PPP1CB: variants seen among roughly 807,000 people sequenced by gnomAD.
PPP1CB encodes the protein protein phosphatase 1 catalytic subunit beta.
PPP1CB carries 2 observed loss-of-function variants against 43.7 expected under a neutral mutation model. The observed-to-expected ratio is 0.05, with a 90% CI of 0.02 to 0.14. The LOEUF (loss-of-function observed/expected upper bound fraction) is 0.14. Among genes scored for constraint, PPP1CB ranks in the 10% least tolerant of loss-of-function variants. The pLI is 1.00. For synonymous variants in PPP1CB, 136 were observed against 135.6 expected (o/e 1.00, Z -0.02); for missense variants, 84 against 398.0 (o/e 0.21, Z 6.71).
chr2:28,790,869 G>A (rs1572468242), intron 6 of PPP1CB, among the ~76,000 whole-genome samples: 2 of 152,186 alleles, frequency 1.3e-5, no homozygotes, highest in Middle Eastern at 3.4e-3. Context: ...AATTCAAGTC[G>A]TCTTTATCTA....
At chr2:28,761,119 T>G (rs1666635817) in intron 1 of PPP1CB, among the ~76,000 whole-genome samples, 1 of 152,166 alleles carries the variant, frequency 6.6e-6, no homozygotes, top group Non-Finnish European at 1.5e-5. Context: ...CTCGAACACC[T>G]GACCTTGTGA....
chr2:28,770,397 G>T (rs1336780020), intron 1 of PPP1CB, among the ~76,000 whole-genome samples: 1 of 137,668 alleles, frequency 7.3e-6, no homozygotes, highest in Admixed American at 7.5e-5. Context: ...GGGGGAGGGG[G>T]GTGTGGGGGA....
intron 2 of PPP1CB, chr2:28,777,350 G>C (rs923404310): frequency 6.5e-6 from 1 of 154,118 alleles, no homozygotes; most frequent in East Asian, 1.9e-4. Flanking sequence ...GCAATTTAAA[G>C]CAAGTCTCCA....
Position 28,802,371 on chromosome 2 carries a change from T to C in PPP1CB, c.*3068T>C, listed in dbSNP as rs1410782284. 1 of 152,198 alleles carries C rather than the reference T, an allele frequency of 6.6e-6. No individual in the cohort carries two copies. The highest frequency in any genetic ancestry group is 2.4e-5 in the African/African-American group (1 of 41,444). The allele number at this position is 152,198 out of a possible 1,614,324, so 9.4% of individuals were successfully genotyped here. A position where few individuals can be genotyped will look rare whatever the true frequency, so the allele number is the denominator to read the frequency against. On this transcript the variant is annotated 3_prime_UTR_variant, in exon 8 of 8. Transcript: ENST00000395366. ...AGATTAGGAATATGGTCGGGCTGAA[T>C]TTGCTGTTGCTCCCTAACCAAATCC...
chr2:28,773,179 C>T (rs1278569741), intron 1 of PPP1CB, among the ~76,000 whole-genome samples: 1 of 152,054 alleles, frequency 6.6e-6, no homozygotes, highest in Non-Finnish European at 1.5e-5. Context: ...AGTTAGTATA[C>T]TATATGTATG....
chr2:28,793,170 A>G (rs1007157745), intron 6 of PPP1CB, among the ~76,000 whole-genome samples: 2 of 152,152 alleles, frequency 1.3e-5, no homozygotes, highest in African/African-American at 2.4e-5. Context: ...ATGCCACTGC[A>G]CTCCAGCCTG....
rs1667620193 is a variant in PPP1CB, at chr2:28,801,670, G to A, written c.*2367G>A. On this transcript the variant is annotated 3_prime_UTR_variant, in exon 8 of 8. Coordinates refer to ENST00000395366, the MANE Select transcript of PPP1CB (RefSeq NM_002709.3). ...AGGAGAAAATGATTCTGTAATTCCA[G>A]TGTCACTAATTTATATTGTTCTTTC... 6.6e-6 allele frequency: 1 copy of A among 152,054 alleles called. No homozygotes were observed. The highest frequency in any genetic ancestry group is 1.5e-5 in the Non-Finnish European group (1 of 67,984). 9.4% of individuals were successfully genotyped at this position (152,054 alleles called of 1,614,324 possible).
chr2:28,754,817 T>G (rs971355988), intron 1 of PPP1CB, among the ~76,000 whole-genome samples: 5 of 152,214 alleles, frequency 3.3e-5, no homozygotes, highest in Admixed American at 3.3e-4. Flanking sequence ...TAGTGTCAAA[T>G]GAACGTGTAA....
At chr2:28,787,770 C>G (rs897366860) in intron 5 of PPP1CB, among the ~76,000 whole-genome samples, 3 of 152,150 alleles carry the variant, frequency 2.0e-5, no homozygotes, top group Admixed American at 6.6e-5. Context: ...TGTTCATTCT[C>G]CCTCATCTAC....
Position 28,799,348 on chromosome 2 carries a change from A to T in PPP1CB, c.*45A>T. The T allele has an allele frequency of 3.5e-6, 5 of 1,444,078 alleles. No homozygotes were observed. The highest frequency in any genetic ancestry group is 4.9e-6 in the Non-Finnish European group (5 of 1,027,788). 89.5% of individuals were successfully genotyped at this position (1,444,078 alleles called of 1,614,324 possible). On this transcript the variant is annotated 3_prime_UTR_variant, in exon 8 of 8. Transcript: ENST00000395366. ...AAACCATCAGATTTGTTAAGGACATACTTCATAATATATAAGTGTGCACTG... is the reference window on the plus strand; with the variant it reads ...AAACCATCAGATTTGTTAAGGACATTCTTCATAATATATAAGTGTGCACTG...
chr2:28,778,277 G>C lies in PPP1CB; in HGVS notation c.185-532G>C. ...AAAATTGTTTTAGTTACCTATTGTTGTATAATAAATCATTCCAAAACTTTG... is the reference window on the plus strand; with the variant it reads ...AAAATTGTTTTAGTTACCTATTGTTCTATAATAAATCATTCCAAAACTTTG... On this transcript the variant is annotated intron_variant, in intron 2 of 7. Transcript: ENST00000395366. The C allele has an allele frequency of 6.7e-6, 3 of 448,886 alleles. No homozygotes were observed. In the East Asian group the frequency reaches 2.1e-4, roughly 32 times the overall value. The allele number at this position is 448,886 out of a possible 1,614,324, so 27.8% of individuals were successfully genotyped here. A position where few individuals can be genotyped will look rare whatever the true frequency, so the allele number is the denominator to read the frequency against.
chr2:28,797,170 T>G (rs1667513194), intron 7 of PPP1CB, among the ~76,000 whole-genome samples: 1 of 152,092 alleles, frequency 6.6e-6, no homozygotes, highest in African/African-American at 2.4e-5. Flanking sequence ...TGGATTCGGT[T>G]TTAGTATTTT....
intron 1 of PPP1CB, among the ~76,000 whole-genome samples, chr2:28,760,064 G>A (rs1424807352): frequency 3.9e-5 from 6 of 152,192 alleles, no homozygotes; most frequent in African/African-American, 1.4e-4. Flanking sequence ...CAGTGAAGAT[G>A]TGGAGGCGGA....
rs989585008 is a variant in PPP1CB at position 28,802,130 on chromosome 2, C to G, written c.*2827C>G. 2.0e-5 allele frequency: 3 copies of G among 151,956 alleles called. No homozygotes were observed. In the South Asian group the frequency reaches 6.2e-4, roughly 32 times the overall value. 9.4% of individuals were successfully genotyped at this position (151,956 alleles called of 1,614,324 possible). On this transcript the variant is annotated 3_prime_UTR_variant, in exon 8 of 8. Transcript: ENST00000395366. ...TAAATTTGAAGTATGAGTGTGTTCA[C>G]GAGAAACATAGGCTTTTCAAAAAAA...
intron 1 of PPP1CB, among the ~76,000 whole-genome samples, chr2:28,752,547 C>T (rs1340489531): frequency 2.0e-5 from 3 of 152,240 alleles, no homozygotes; most frequent in Admixed American, 6.5e-5. Flanking sequence ...ATGCCTGCCA[C>T]TGGGCTTTGT....
intron 1 of PPP1CB, 65 bp from the exon 2 acceptor site, chr2:28,776,786 C>T: frequency 6.7e-7 from 1 of 1,492,258 alleles, no homozygotes. Flanking sequence ...ATGGGCATGA[C>T]TCTTTTTGAA....
intron 1 of PPP1CB, among the ~76,000 whole-genome samples, chr2:28,774,939 TA>T (rs1667000951): frequency 6.6e-6 from 1 of 152,200 alleles, no homozygotes; most frequent in African/African-American, 2.4e-5. Flanking sequence ...GCATATTTGC[TA>T]AAGCACATTT....
intron 1 of PPP1CB, among the ~76,000 whole-genome samples, chr2:28,775,630 AC>A (rs904109455): frequency 7.9e-5 from 12 of 151,758 alleles, no homozygotes; most frequent in African/African-American, 2.4e-4. Context: ...TCCCGCTTTG[AC>A]CCCCTAAAGT....
intron 1 of PPP1CB, among the ~76,000 whole-genome samples, chr2:28,772,288 G>A (rs950164966): frequency 2.6e-5 from 4 of 152,034 alleles, no homozygotes; most frequent in African/African-American, 7.2e-5. Flanking sequence ...GTGACGGAGC[G>A]AGACTCCATC....
Sources: gnomAD v4.1 joint callset for allele counts (sites outside exome capture counted in the v4.1 genomes callset) on GRCh38, gnomAD v4.1.1 for gene constraint, MANE v1.5 for transcripts, NCBI Gene and HGNC (gene_info 2026-07-23, HGNC 2026-07-21) for gene names.